KANSL1: variants seen among roughly 807,000 people sequenced by gnomAD.
The protein encoded by KANSL1 is MLL1/MLL complex subunit KANSL1.
Under a neutral mutation model 103.6 loss-of-function variants are expected in KANSL1, and 22 were observed. The observed-to-expected ratio is 0.21, with a 90% CI of 0.15 to 0.30. The LOEUF is 0.30. Ranked by LOEUF, KANSL1 falls within the 10% of genes least tolerant of loss-of-function variation. The pLI, the probability that KANSL1 is intolerant of heterozygous loss-of-function variation, is 1.00. For missense variants in KANSL1, 1,337 were observed against 1,399.8 expected (o/e 0.96, Z 0.72); for synonymous variants, 600 against 527.6 (o/e 1.14, Z -1.88).
intron 2 of KANSL1, among the ~76,000 whole-genome samples, chr17:46,095,362 G>A (rs1257623296): frequency 4.6e-5 from 7 of 152,118 alleles, no homozygotes; most frequent in African/African-American, 1.4e-4. Context: ...AGGACCAACA[G>A]CAAGAAATTT....
At chr17:46,174,208 CAG>C (rs1472951456) in intron 1 of KANSL1, among the ~76,000 whole-genome samples, 5 of 152,166 alleles carry the variant, frequency 3.3e-5, no homozygotes, top group South Asian at 2.1e-4. Flanking sequence ...GTGTGTTTAA[CAG>C]AGTCTTGCTC....
intron 3 of KANSL1, among the ~76,000 whole-genome samples, chr17:46,091,614 T>C (rs1420290707): frequency 6.6e-6 from 1 of 152,210 alleles, no homozygotes; most frequent in Admixed American, 6.5e-5. Context: ...TCTTTTCTAC[T>C]ACATTTTTAC....
chr17:46,205,901 G>A (rs1278672430), intron 1 of KANSL1, among the ~76,000 whole-genome samples: 2 of 151,994 alleles, frequency 1.3e-5, no homozygotes, highest in Admixed American at 1.3e-4. Context: ...AACATGGCAA[G>A]AACTCATCTC....
chr17:46,087,321 A>C lies in KANSL1; in HGVS notation c.1432-4779T>G, dbSNP rs376499582. 2.6e-5 allele frequency among the ~76,000 whole-genome samples: 4 copies of C among 152,258 alleles called. No individual in the cohort carries two copies. In the East Asian group the frequency reaches 5.8e-4, roughly 22 times the overall value. On this transcript the variant is annotated intron_variant, in intron 3 of 14. Transcript: ENST00000432791. ...CTGTCCATTGCCCCCAAGATATGTA[A>C]GTTCACTATGGCATTCAAAACCAAA...
chr17:46,141,479 T>C (rs1308802786), intron 2 of KANSL1, among the ~76,000 whole-genome samples: 1 of 152,234 alleles, frequency 6.6e-6, no homozygotes, highest in Non-Finnish European at 1.5e-5. Context: ...ACAAATAAAT[T>C]CTTCTATGCA....
chr17:46,136,903 T>C (rs146283659), intron 2 of KANSL1, among the ~76,000 whole-genome samples: 8 of 152,308 alleles, frequency 5.3e-5, no homozygotes, highest in African/African-American at 1.9e-4. Context: ...CAAAACAAAA[T>C]GTTCATGGTT....
chr17:46,098,247 C>T (rs1486738842), intron 2 of KANSL1, among the ~76,000 whole-genome samples: 2 of 151,460 alleles, frequency 1.3e-5, no homozygotes, highest in Non-Finnish European at 2.9e-5. Context: ...GGCTTACCAC[C>T]TTTCTATCCT....
At chr17:46,117,625 C>G (rs1296886949) in intron 2 of KANSL1, among the ~76,000 whole-genome samples, 2 of 152,120 alleles carry the variant, frequency 1.3e-5, no homozygotes, top group Admixed American at 1.3e-4. Context: ...CTATCTAATT[C>G]CAATGAAAAG....
At position 46,064,980 on chromosome 17, in the gene KANSL1, G is replaced by GT. The variant is rs550675859; in HGVS notation, c.1848+1556dup. Among the ~76,000 whole-genome samples, 76 of 151,346 alleles carry GT rather than the reference G, an allele frequency of 5.0e-4. 1 individual carries two copies. Among genetic ancestry groups the GT allele is most frequent in the African/African-American group, 1.8e-3 (74 of 41,276 alleles). On this transcript the variant is annotated intron_variant, in intron 6 of 14. Coordinates refer to ENST00000432791, the MANE Select transcript of KANSL1 (RefSeq NM_015443.4). ...GTGTGTTTTTTTTGTTTGTTTTTTT[G>GT]TTTTTTTAAAAGACAGAGTCTCAAT...
chr17:46,166,213 C>CAAACAAAAAAAA (rs2045990550), intron 2 of KANSL1, among the ~76,000 whole-genome samples: 1 of 95,104 alleles, frequency 1.1e-5, no homozygotes, highest in Non-Finnish European at 2.1e-5. Context: ...GACTCTGTCT[C>CAAACAAAAAAAA]AAAAAAAAAA....
At chr17:46,166,857 G>A (rs1232927464) in intron 2 of KANSL1, among the ~76,000 whole-genome samples, 1 of 152,172 alleles carries the variant, frequency 6.6e-6, no homozygotes, top group African/African-American at 2.4e-5. Flanking sequence ...ATTATTCTTG[G>A]CTGCACATCT....
intron 1 of KANSL1, among the ~76,000 whole-genome samples, chr17:46,206,174 C>T (rs2047964722): frequency 1.3e-5 from 2 of 151,254 alleles, no homozygotes; most frequent in South Asian, 4.1e-4. Flanking sequence ...TGGCAATATT[C>T]CCTAAATTGA....
chr17:46,064,059 AAAAAAAAAAAAAC>A (rs1244497049), intron 6 of KANSL1, among the ~76,000 whole-genome samples: 1 of 131,438 alleles, frequency 7.6e-6, no homozygotes, highest in Admixed American at 8.3e-5. Flanking sequence ...TTAGTAAAAA[AAAAAAAAAAAAAC>A]AAAAAAAAAC....
chr17:46,150,910 C>T (rs1055314158), intron 2 of KANSL1, among the ~76,000 whole-genome samples: 4 of 132,636 alleles, frequency 3.0e-5, no homozygotes, highest in Non-Finnish European at 6.2e-5. Context: ...AAGTTAACTG[C>T]AAGATCCCTA....
intron 2 of KANSL1, among the ~76,000 whole-genome samples, chr17:46,162,995 A>C (rs2045822843): frequency 6.6e-6 from 1 of 152,164 alleles, no homozygotes; most frequent in African/African-American, 2.4e-5. Context: ...CTCAGCTTAC[A>C]TGTCACTTCC....
intron 8 of KANSL1, 142 bp downstream of exon 8, chr17:46,039,557 CAGA>C: frequency 1.2e-6 from 1 of 847,438 alleles, no homozygotes. Flanking sequence ...CCAAGACAAG[CAGA>C]AGCAGTCACT....
At position 46,140,915 on chromosome 17, in the gene KANSL1, C is replaced by T. The variant is rs138805171; in HGVS notation, c.1289+29940G>A. 4.5e-3 allele frequency among the ~76,000 whole-genome samples: 680 copies of T among 152,206 alleles called. 3 individuals carry two copies. The highest frequency in any genetic ancestry group is 5.5e-3 in the Non-Finnish European group (371 of 67,998). On this transcript the variant is annotated intron_variant, in intron 2 of 14. Coordinates refer to ENST00000432791, the MANE Select transcript of KANSL1 (RefSeq NM_015443.4). ...TGGAGAGAATGGAACCCACAAATAT[C>T]GCTCATGGTAATACAAAATGGTAAT...
Position 46,193,137 on chromosome 17 carries a change from AGGGCGGGCGGGCGGGG to A in KANSL1, c.-420_-405del, listed in dbSNP as rs959098432. On this transcript the variant is annotated 5_prime_UTR_variant, in exon 1 of 15. Transcript: ENST00000432791. Reference sequence around the variant, plus strand: ...GGCTGGAGACCGCAGCCCGGCCGGGAGGGCGGGCGGGCGGGGGCAGAGAGTGAAACCGCCCCCCCGC... The same window carrying A: ...GGCTGGAGACCGCAGCCCGGCCGGGAGCAGAGAGTGAAACCGCCCCCCCGC... 2.0e-5 allele frequency: 3 copies of A among 151,106 alleles called. No homozygotes were observed. Among genetic ancestry groups the A allele is most frequent in the Admixed American group, 6.6e-5 (1 of 15,196 alleles). The allele number at this position is 151,106 out of a possible 1,614,324, so 9.4% of individuals were successfully genotyped here.
intron 2 of KANSL1, among the ~76,000 whole-genome samples, chr17:46,115,922 T>A (rs868303810): frequency 1.3e-5 from 2 of 152,186 alleles, no homozygotes; most frequent in Admixed American, 1.3e-4. Flanking sequence ...TAGTTACCAA[T>A]GTGACAAAGC....
Sources: allele counts gnomAD v4.1 joint callset (sites outside exome capture counted in the v4.1 genomes callset), GRCh38; gene constraint gnomAD v4.1.1; transcripts MANE v1.5; gene names NCBI Gene and HGNC (gene_info 2026-07-23, HGNC 2026-07-21).